ZNF418: variants seen among roughly 807,000 people sequenced by gnomAD.
The protein encoded by ZNF418 is zinc finger protein 418.
A neutral mutation model predicts 32.0 loss-of-function variants in ZNF418; 32 were observed. The ratio of observed to expected loss-of-function variants is 1.00; its 90% confidence interval spans 0.75 to 1.34. The LOEUF (loss-of-function observed/expected upper bound fraction) is 1.34, where lower values mean the gene tolerates loss of function less well. Ranked by LOEUF, ZNF418 falls within the 40% of genes most tolerant of loss-of-function variation. ZNF418 has a pLI of 0.00. For synonymous variants in ZNF418, 276 were observed against 270.7 expected (o/e 1.02, Z -0.19); for missense variants, 804 against 812.5 (o/e 0.99, Z 0.13).
chr19:57,932,262 T>C (rs967406228), intron 2 of ZNF418, among the ~76,000 whole-genome samples: 1 of 152,148 alleles, frequency 6.6e-6, no homozygotes, highest in African/African-American at 2.4e-5. Context: ...CATTATCCAA[T>C]AGAACAGAGT....
At position 57,926,339 on chromosome 19, in the gene ZNF418, A is replaced by C. The variant is rs752615064; in HGVS notation, c.1842T>G (p.Thr614=). Residue 614 remains threonine (T), a synonymous_variant, in exon 4 of 6, where the codon ACT becomes ACG. Transcript: ENST00000396147. ...CGCTGCACTCGTAAGGCTTTCCTCG[A>C]GTATGAAGTCTCTGATGTTTAAAAT... is the stretch of plus-strand genomic sequence containing the variant. ...SAHFKHQRLH[T]RGKPYECSEC... 2 of 1,610,976 alleles carry C rather than the reference A, an allele frequency of 1.2e-6. No individual in the cohort carries two copies. Among genetic ancestry groups the C allele is most frequent in the Non-Finnish European group, 1.7e-6 (2 of 1,178,552 alleles).
intron 4 of ZNF418, among the ~76,000 whole-genome samples, chr19:57,925,190 G>A (rs1441363300): frequency 6.6e-6 from 1 of 152,040 alleles, no homozygotes. Flanking sequence ...GCTGGGTGCG[G>A]TGGCTCACGC....
chr19:57,935,394 G>T lies in ZNF418; in HGVS notation c.-314C>A. 4.7e-6 allele frequency: 1 copy of T among 212,192 alleles called. No homozygotes were observed. Among genetic ancestry groups the T allele is most frequent in the Non-Finnish European group, 8.6e-6 (1 of 115,918 alleles). The allele number at this position is 212,192 out of a possible 1,614,324, so 13.1% of individuals were successfully genotyped here. ...AAAATGGTCGCTACCAGAGAACGCT[G>T]AGAATCCCGCCACTACGTTACGTGC... On this transcript the variant is annotated 5_prime_UTR_variant, in exon 1 of 6. Coordinates refer to ENST00000396147, the MANE Select transcript of ZNF418 (RefSeq NM_133460.3).
chr19:57,923,586 A>T (rs953970016), intron 4 of ZNF418, among the ~76,000 whole-genome samples: 7 of 150,524 alleles, frequency 4.7e-5, no homozygotes, highest in Non-Finnish European at 8.9e-5. Context: ...ATATATATAT[A>T]TTTTTTGAGA....
Position 57,926,858 on chromosome 19 carries a change from G to C in ZNF418, c.1323C>G (p.Leu441=). The C allele has an allele frequency of 6.2e-7, 1 of 1,614,018 alleles. No homozygotes were observed. Among genetic ancestry groups the C allele is most frequent in the Non-Finnish European group, 8.5e-7 (1 of 1,180,002 alleles). Residue 441 remains leucine, a synonymous_variant, in exon 4 of 6, where the codon CTC becomes CTG. Coordinates refer to ENST00000396147, the MANE Select transcript of ZNF418 (RefSeq NM_133460.3). ...CGKSFSRKGN[L]IQHQRSHTGE... ...CAGTGTGGCTTCGCTGATGCTGAAT[G>C]AGGTTGCCCTTTCGACTAAAAGATT...
At chr19:57,923,417 T>C (rs1042956617) in intron 4 of ZNF418, 128 bp from the exon 5 acceptor site, 1 of 151,572 alleles carries the variant, frequency 6.6e-6, no homozygotes, top group Non-Finnish European at 1.5e-5. Flanking sequence ...GCAAAATATA[T>C]ATATATATAC....
Position 57,926,940 on chromosome 19 carries a change from C to G in ZNF418, c.1241G>C (p.Arg414Thr). Reference protein sequence around the residue: ...GKSFSRKGHLRNHQRGHTGER... With the variant: ...GKSFSRKGHLTNHQRGHTGER... ...TCCAGTGTGACCTCGCTGATGGTTC[C>G]TAAGGTGTCCCTTTCGACTAAAAGA... The change falls in exon 4 of 6, where the codon AGG becomes ACG. Residue 414 changes from arginine to threonine, a missense_variant. Transcript: ENST00000396147. 6.2e-7 allele frequency: 1 copy of G among 1,612,256 alleles called. No individual in the cohort carries two copies. Among genetic ancestry groups the G allele is most frequent in the Non-Finnish European group, 8.5e-7 (1 of 1,179,538 alleles).
chr19:57,926,521 G>T lies in ZNF418; in HGVS notation c.1660C>A (p.Leu554Ile). The T allele has an allele frequency of 6.2e-7, 1 of 1,613,758 alleles. No individual in the cohort carries two copies. Among genetic ancestry groups the T allele is most frequent in the Non-Finnish European group, 8.5e-7 (1 of 1,179,960 alleles). ...GKSFHQSSSLLRHQKTHTAER... is the reference protein window; with the variant it reads ...GKSFHQSSSLIRHQKTHTAER... ...GCAGTGTGAGTTTTCTGATGTCGAA[G>T]GAGGGAAGAGCTCTGATGAAATGAC... The change falls in exon 4 of 6, where the codon CTT (leucine) becomes ATT (isoleucine). Residue 554 changes from leucine to isoleucine, a missense_variant. Leu to Ile is a conservative substitution (Grantham distance 5, BLOSUM62 2). Around this residue, in one of 3 missense-constraint regions of ZNF418, gnomAD observed 475 missense variants for 458.6 expected, o/e 1.04. Transcript: ENST00000396147.
intron 4 of ZNF418, among the ~76,000 whole-genome samples, chr19:57,924,698 AG>A (rs2072143983): frequency 6.6e-6 from 1 of 152,214 alleles, no homozygotes; most frequent in Admixed American, 6.5e-5. Context: ...TCCAGGACCT[AG>A]GGAACAGATT....
Position 57,927,861 on chromosome 19 carries a change from T to C in ZNF418, c.320A>G (p.Gln107Arg). The change falls in exon 4 of 6, where the codon CAG (glutamine) becomes CGG (arginine). Residue 107 changes from glutamine to arginine, a missense_variant. Physicochemically the swap from Gln to Arg is conservative, Grantham distance 43. Coordinates refer to ENST00000396147, the MANE Select transcript of ZNF418 (RefSeq NM_133460.3). The part of the protein sequence containing the change: ...LADHQGTHHK[Q>R]KLHRCEAWGN... ...CCATGCCTCACACCTGTGCAGTTTCTGCTTGTGATGTGTCCCCTGATGATC... is the reference window on the plus strand; with the variant it reads ...CCATGCCTCACACCTGTGCAGTTTCCGCTTGTGATGTGTCCCCTGATGATC... 6.2e-7 allele frequency: 1 copy of C among 1,614,134 alleles called. No individual in the cohort carries two copies. The highest frequency in any genetic ancestry group is 8.5e-7 in the Non-Finnish European group (1 of 1,179,994).
At position 57,927,021 on chromosome 19, in the gene ZNF418, TCA is replaced by T. The variant is rs766793631; in HGVS notation, c.1158_1159del (p.Glu387ThrfsTer7). On this transcript the variant is annotated frameshift_variant, in exon 4 of 6. Coordinates refer to ENST00000396147, the MANE Select transcript of ZNF418 (RefSeq NM_133460.3). LOFTEE classifies it low-confidence loss of function (END_TRUNC). ...TTCTCTAGTGTGAACTCGATGATGT[TCA>T]GTTAGGGTGCCCTTTTGACTAAAAC... 2 of 1,614,174 alleles carry T rather than the reference TCA, an allele frequency of 1.2e-6. No homozygotes were observed. The highest frequency in any genetic ancestry group is 2.2e-5 in the South Asian group (2 of 91,078).
chr19:57,929,497 A>G (rs1181528628), intron 3 of ZNF418, among the ~76,000 whole-genome samples: 1 of 152,190 alleles, frequency 6.6e-6, no homozygotes, highest in Non-Finnish European at 1.5e-5. Flanking sequence ...CCTCTGTGGC[A>G]GCAAACAGTG....
At position 57,927,869 on chromosome 19, in the gene ZNF418, A is replaced by T. The variant is rs745665479; in HGVS notation, c.312T>A (p.His104Gln). 2 of 1,613,998 alleles carry T rather than the reference A, an allele frequency of 1.2e-6. No individual in the cohort carries two copies. Among genetic ancestry groups the T allele is most frequent in the East Asian group, 2.2e-5 (1 of 44,856 alleles). ...ILHLADHQGT[H>Q]HKQKLHRCEA... ...CACACCTGTGCAGTTTCTGCTTGTG[A>T]TGTGTCCCCTGATGATCTGCCAAGT... is the stretch of plus-strand genomic sequence containing the variant. Residue 104 changes from histidine (H) to glutamine (Q), a missense_variant, in exon 4 of 6, where the codon CAT becomes CAA. This residue lies in a region of ZNF418 where 307 missense variants were observed against 304.9 expected (regional missense o/e 1.01). Coordinates refer to ENST00000396147, the MANE Select transcript of ZNF418 (RefSeq NM_133460.3).
In ZNF418 at chr19:57,935,161, C is replaced by G. The variant is rs1339064197; in HGVS notation, c.-81G>C. On this transcript the variant is annotated splice_region_variant and 5_prime_UTR_variant, in exon 1 of 6. Transcript: ENST00000396147. ...CTGAGGGCAGGGAAGGCACAATTAC[C>G]TGAGCCGGGAGCCTCAGCGCGGCCG... 4.6e-6 allele frequency: 6 copies of G among 1,312,514 alleles called. No homozygotes were observed. In the South Asian group the frequency reaches 8.3e-5, roughly 18 times the overall value. The allele number at this position is 1,312,514 out of a possible 1,614,324, so 81.3% of individuals were successfully genotyped here.
At position 57,926,758 on chromosome 19, in the gene ZNF418, C is replaced by T; in HGVS notation, c.1423G>A (p.Val475Ile). ...GKSHLIEHQRVHTGERPYECN... is the reference protein window; with the variant it reads ...GKSHLIEHQRIHTGERPYECN... ...TCATATGGCCTTTCTCCAGTGTGAA[C>T]TCTCTGGTGTTCAATGAGGTGGGAC... is the stretch of plus-strand genomic sequence containing the variant. The change falls in exon 4 of 6, where the codon GTT (valine) becomes ATT (isoleucine). Residue 475 changes from valine to isoleucine, a missense_variant. Physicochemically the swap from Val to Ile is conservative, Grantham distance 29 (BLOSUM62 3). Transcript: ENST00000396147. 6.2e-7 allele frequency: 1 copy of T among 1,614,090 alleles called. No homozygotes were observed. The highest frequency in any genetic ancestry group is 8.5e-7 in the Non-Finnish European group (1 of 1,180,024).
In ZNF418 at chr19:57,926,326, A is replaced by G. The variant is rs200618008; in HGVS notation, c.1855T>C (p.Tyr619His). The G allele has an allele frequency of 2.0e-5, 32 of 1,611,924 alleles. No homozygotes were observed. The highest frequency in any genetic ancestry group is 5.0e-5 in the Admixed American group (3 of 59,814). Residue 619 changes from tyrosine (Y) to histidine (H), a missense_variant, in exon 4 of 6, where the codon TAC becomes CAC. By Grantham distance (83) the Tyr-to-His change is moderately conservative. Around this residue, in one of 3 missense-constraint regions of ZNF418, gnomAD observed 475 missense variants for 458.6 expected, o/e 1.04. Coordinates refer to ENST00000396147, the MANE Select transcript of ZNF418 (RefSeq NM_133460.3). ...HQRLHTRGKP[Y>H]ECSECGKSFA... Reference sequence around the variant, plus strand: ...GATTTCCCACATTCGCTGCACTCGTAAGGCTTTCCTCGAGTATGAAGTCTC... The same window carrying G: ...GATTTCCCACATTCGCTGCACTCGTGAGGCTTTCCTCGAGTATGAAGTCTC...
chr19:57,927,072 T>C lies in ZNF418; in HGVS notation c.1109A>G (p.Tyr370Cys). 1 of 1,614,138 alleles carries C rather than the reference T, an allele frequency of 6.2e-7. No homozygotes were observed. The highest frequency in any genetic ancestry group is 2.2e-5 in the East Asian group (1 of 44,866). Residue 370 changes from tyrosine to cysteine, a missense_variant, in exon 4 of 6, where the codon TAT (tyrosine) becomes TGT (cysteine). By Grantham distance (194) the Tyr-to-Cys change is radical. This residue lies in a region of ZNF418 where 475 missense variants were observed against 458.6 expected (regional missense o/e 1.04). Transcript: ENST00000396147. ...HQRGHTSERP[Y>C]ECEECGKCFS... ...ACATTTTCCACATTCTTCACACTCA[T>C]AAGGTCTTTCACTAGTGTGACCTCG... is the stretch of plus-strand genomic sequence containing the variant.
Position 57,926,058 on chromosome 19 carries a change from G to A in ZNF418, c.*92C>T, listed in dbSNP as rs369253660. On this transcript the variant is annotated 3_prime_UTR_variant, in exon 4 of 6. Transcript: ENST00000396147. The stretch of plus-strand genomic sequence containing the variant: ...GACTTCTGCATAAAGAATATCCCAC[G>A]TTTGTCACACTCATAAGGTCCTGAT... 33 of 1,098,006 alleles carry A rather than the reference G, an allele frequency of 3.0e-5. 1 individual carries two copies. The highest frequency in any genetic ancestry group is 7.4e-5 in the Admixed American group (3 of 40,456). The allele number at this position is 1,098,006 out of a possible 1,614,324, so 68.0% of individuals were successfully genotyped here.
At chr19:57,931,374 G>A (rs1239486023) in intron 2 of ZNF418, among the ~76,000 whole-genome samples, 1 of 151,964 alleles carries the variant, frequency 6.6e-6, no homozygotes, top group Non-Finnish European at 1.5e-5. Flanking sequence ...GCTAATTTTT[G>A]TATTTTTAGT....
Sources: gnomAD v4.1 joint callset for allele counts (sites outside exome capture counted in the v4.1 genomes callset) on GRCh38, gnomAD v4.1.1 for gene constraint, gnomAD v4.1.1 regional missense constraint, MANE v1.5 for transcripts, NCBI Gene and HGNC (gene_info 2026-07-23, HGNC 2026-07-21) for gene names.